Variants in SLC52A2 observed in about 807,000 individuals in gnomAD.
The protein encoded by SLC52A2 is solute carrier family 52 member 2.
A neutral mutation model predicts 24.8 loss-of-function variants in SLC52A2; 16 were observed. The observed-to-expected ratio is 0.64, with a 90% CI of 0.44 to 0.98. The LOEUF is 0.98. SLC52A2 is among the 50% of genes least tolerant of loss of function. The probability of loss-of-function intolerance (pLI) is 0.00; values close to 1 mark genes in which losing one functional copy is unlikely to be tolerated. For missense variants in SLC52A2, 612 were observed against 575.9 expected, an observed-to-expected ratio of 1.06 and a Z score of -0.64; for synonymous variants, 335 against 276.3, an observed-to-expected ratio of 1.21 and a Z score of -2.11.
rs781873022 is a variant in SLC52A2 at position 144,360,966 on chromosome 8, A to G, written c.1289A>G (p.Tyr430Cys). 1 of 1,613,414 alleles carries G rather than the reference A, an allele frequency of 6.2e-7. No homozygotes were observed. Among genetic ancestry groups the G allele is most frequent in the Non-Finnish European group, 8.5e-7 (1 of 1,179,986 alleles). The change falls in exon 5 of 5, where the codon TAT becomes TGT. Residue 430 changes from tyrosine (Y) to cysteine (C), a missense_variant. Transcript: ENST00000643944. ...AVAMFPPTSI[Y>C]HVFHSRKDCA... The stretch of plus-strand genomic sequence containing the variant: ...GCTATGTTCCCCCCGACCAGCATCT[A>G]TCACGTGTTCCACAGCAGAAAGGAC...
Position 144,359,082 on chromosome 8 carries a change from C to T in SLC52A2, c.-111+17C>T. On this transcript the variant is annotated intron_variant, in intron 1 of 4. Transcript: ENST00000643944. ...TCCCGCTGGGTACGTTTTAGCCAAT[C>T]CTCCCCATCTGCGCTCCTGCCCGGG... 2 of 677,730 alleles carry T rather than the reference C, an allele frequency of 3.0e-6. No individual in the cohort carries two copies. Among genetic ancestry groups the T allele is most frequent in the Non-Finnish European group, 2.3e-6 (1 of 436,950 alleles). The allele number at this position is 677,730 out of a possible 1,614,324, so 42.0% of individuals were successfully genotyped here. A position where few individuals can be genotyped will look rare whatever the true frequency, so the allele number is the denominator to read the frequency against.
Position 144,359,016 on chromosome 8 carries a change from A to T in SLC52A2, c.-160A>T. 1 of 395,198 alleles carries T rather than the reference A, an allele frequency of 2.5e-6. No homozygotes were observed. The highest frequency in any genetic ancestry group is 4.5e-6 in the Non-Finnish European group (1 of 220,254). The allele number at this position is 395,198 out of a possible 1,614,324, so 24.5% of individuals were successfully genotyped here. ...CTTCGGCCTCCTCCCCTGGGGCCGCAGCGACTCGGGCCGGCTTCCTGCTTC... is the reference window on the plus strand; with the variant it reads ...CTTCGGCCTCCTCCCCTGGGGCCGCTGCGACTCGGGCCGGCTTCCTGCTTC... On this transcript the variant is annotated 5_prime_UTR_variant, in exon 1 of 5. Transcript: ENST00000643944.
intron 3 of SLC52A2, 28 bp downstream of exon 3, chr8:144,360,521 G>A (rs192149425): frequency 1.8e-5 from 29 of 1,585,690 alleles, no homozygotes; most frequent in East Asian, 4.5e-5. Context: ...GCCCCTGTGC[G>A]GGTGGAACTC....
rs138107380 is a variant in SLC52A2 at position 144,360,654 on chromosome 8, C to T, written c.1066C>T (p.Leu356=). 1.3e-4 allele frequency: 215 copies of T among 1,604,604 alleles called. 1 individual carries two copies. The African/African-American group carries it at 2.5e-3, about 19-fold the overall frequency. The change falls in exon 4 of 5, where the codon CTG becomes TTG. Residue 356 remains leucine (L), a synonymous_variant. Coordinates refer to ENST00000643944, the MANE Select transcript of SLC52A2 (RefSeq NM_001363118.2). ...GVFCGGYLMA[L]AVLSPCPPLV... ...GTTCTGTGGGGGCTACCTGATGGCG[C>T]TGGCAGTCCTGAGCCCCTGCCCGCC...
At position 144,361,009 on chromosome 8, in the gene SLC52A2, C is replaced by T. The variant is rs782236791; in HGVS notation, c.1332C>T (p.Asp444=). 6.2e-7 allele frequency: 1 copy of T among 1,612,364 alleles called. No homozygotes were observed. Among genetic ancestry groups the T allele is most frequent in the East Asian group, 2.2e-5 (1 of 44,846 alleles). ...GAAAGGACTGTGCAGACCCCTGTGA[C>T]TCCTGAGCCTGGGCAGGTGGGGACC... The part of the protein sequence containing the change: ...HSRKDCADPC[D]S The change falls in exon 5 of 5, where the codon GAC becomes GAT. Residue 444 remains aspartate (D), a synonymous_variant. Transcript: ENST00000643944.
At position 144,360,698 on chromosome 8, in the gene SLC52A2, G is replaced by T; in HGVS notation, c.1110G>T (p.Ala370=). ...GCCCGCCCCTGGTGGGCACCTCGGC[G>T]GGGGTGGTCCTCGTGGTGAGCACAG... is the stretch of plus-strand genomic sequence containing the variant. ...SPCPPLVGTS[A]GVVLVVLSWV... is the part of the protein sequence containing the mutation. Residue 370 remains alanine, a synonymous_variant, in exon 4 of 5, where the codon GCG becomes GCT. Transcript: ENST00000643944. The T allele has an allele frequency of 1.2e-6, 2 of 1,603,826 alleles. No homozygotes were observed.
chr8:144,360,532 A>G (rs974647638), intron 3 of SLC52A2, 39 bp downstream of exon 3: 1 of 1,582,394 alleles, frequency 6.3e-7, no homozygotes. Context: ...GGTGGAACTC[A>G]GGGCTAGGAG....
chr8:144,358,612 T>A, upstream of SLC52A2: 1 of 867,388 alleles, frequency 1.2e-6, no homozygotes, highest in East Asian at 3.4e-5. Context: ...CCGCCACGGG[T>A]GAGTCGGGTC....
chr8:144,359,201 T>C lies in SLC52A2; in HGVS notation c.-93T>C, dbSNP rs1164627310. On this transcript the variant is annotated 5_prime_UTR_variant, in exon 2 of 5. Transcript: ENST00000643944. ...CTTTCAAGCTAGAAGAAGTCTTCAC[T>C]TCCCAGGAGAGCCAAAGCGTGTCTG... 6 of 1,516,190 alleles carry C rather than the reference T, an allele frequency of 4.0e-6. No homozygotes were observed. Among genetic ancestry groups the C allele is most frequent in the Admixed American group, 2.2e-5 (1 of 45,666 alleles). 93.9% of individuals were successfully genotyped at this position (1,516,190 alleles called of 1,614,324 possible). A position where few individuals can be genotyped will look rare whatever the true frequency, so the allele number is the denominator to read the frequency against.
chr8:144,360,949 C>T lies in SLC52A2; in HGVS notation c.1272C>T (p.Phe424=), dbSNP rs781848960. 8 of 1,613,478 alleles carry T rather than the reference C, an allele frequency of 5.0e-6. No individual in the cohort carries two copies. Among genetic ancestry groups the T allele is most frequent in the South Asian group, 3.3e-5 (3 of 91,086 alleles). ...VGSLLGAVAM[F]PPTSIYHVFH... is the part of the protein sequence containing the mutation. Reference sequence around the variant, plus strand: ...CTCTGCTCGGCGCTGTTGCTATGTTCCCCCCGACCAGCATCTATCACGTGT... The same window carrying T: ...CTCTGCTCGGCGCTGTTGCTATGTTTCCCCCGACCAGCATCTATCACGTGT... Residue 424 remains phenylalanine, a synonymous_variant, in exon 5 of 5, where the codon TTC becomes TTT. Transcript: ENST00000643944.
In SLC52A2 at chr8:144,360,611, C is replaced by A. The variant is rs567624974; in HGVS notation, c.1023C>A (p.Gly341=). 2.4e-5 allele frequency: 38 copies of A among 1,602,670 alleles called. No individual in the cohort carries two copies. The South Asian group carries it at 4.0e-4, about 17-fold the overall frequency. ...GCAGGTCCTTGGCAGGGCTGGGCGGCCTCTCTCTGCTGGGCGTGTTCTGTG... is the reference window on the plus strand; with the variant it reads ...GCAGGTCCTTGGCAGGGCTGGGCGGACTCTCTCTGCTGGGCGTGTTCTGTG... ...VLCRSLAGLG[G]LSLLGVFCGG... The change falls in exon 4 of 5, where the codon GGC becomes GGA. Residue 341 remains glycine (G), a synonymous_variant. Coordinates refer to ENST00000643944, the MANE Select transcript of SLC52A2 (RefSeq NM_001363118.2).
At chr8:144,358,600 A>C, upstream of SLC52A2, 2 of 994,448 alleles carry the variant, frequency 2.0e-6, no homozygotes, top group Non-Finnish European at 2.6e-6. Context: ...GCGGGCCCGG[A>C]ACCGCCACGG....
At position 144,360,585 on chromosome 8, in the gene SLC52A2, T is replaced by C; in HGVS notation, c.1002-5T>C. On this transcript the variant is annotated splice_region_variant and splice_polypyrimidine_tract_variant and intron_variant, in intron 3 of 4. Coordinates refer to ENST00000643944, the MANE Select transcript of SLC52A2 (RefSeq NM_001363118.2). ...CAGCCCTGACATTCTGCTCGCTCAC[T>C]GCAGGTCCTTGGCAGGGCTGGGCGG... The C allele has an allele frequency of 6.3e-7, 1 of 1,598,448 alleles. No homozygotes were observed.
Position 144,360,712 on chromosome 8 carries a change from T to C in SLC52A2, c.1124T>C (p.Val375Ala). 6.3e-7 allele frequency: 1 copy of C among 1,581,228 alleles called. No homozygotes were observed. The highest frequency in any genetic ancestry group is 8.6e-7 in the Non-Finnish European group (1 of 1,166,054). ...LVGTSAGVVL[V>A]VLSWVLCLGV... ...GGCACCTCGGCGGGGGTGGTCCTCG[T>C]GGTGAGCACAGGGGGACATGAAGTG... The change falls in exon 4 of 5, where the codon GTG (valine) becomes GCG (alanine). Residue 375 changes from valine to alanine, a missense_variant and splice_region_variant. Transcript: ENST00000643944.
chr8:144,360,132 C>G lies in SLC52A2; in HGVS notation c.640C>G (p.Leu214Val), dbSNP rs1818757129. Residue 214 changes from leucine to valine, a missense_variant, in exon 3 of 5, where the codon CTT (leucine) becomes GTT (valine). Physicochemically the swap from Leu to Val is conservative, Grantham distance 32. Coordinates refer to ENST00000643944, the MANE Select transcript of SLC52A2 (RefSeq NM_001363118.2). ...CGCTTCAGCTGCTGCCTTCCAGGGT[C>G]TTCTGCTGCTGTTGCCGCCACCACC... ...LVASAAAFQG[L>V]LLLLPPPPSV... 1.2e-6 allele frequency: 2 copies of G among 1,612,988 alleles called. No individual in the cohort carries two copies. Among genetic ancestry groups the G allele is most frequent in the Non-Finnish European group, 1.7e-6 (2 of 1,180,030 alleles).
At position 144,361,134 on chromosome 8, in the gene SLC52A2, A is replaced by T. The variant is rs1426036956; in HGVS notation, c.*119A>T. 6.8e-6 allele frequency: 7 copies of T among 1,031,570 alleles called. No individual in the cohort carries two copies. Among genetic ancestry groups the T allele is most frequent in the Non-Finnish European group, 8.6e-6 (6 of 701,448 alleles). 63.9% of individuals were successfully genotyped at this position (1,031,570 alleles called of 1,614,324 possible). On this transcript the variant is annotated 3_prime_UTR_variant, in exon 5 of 5. Coordinates refer to ENST00000643944, the MANE Select transcript of SLC52A2 (RefSeq NM_001363118.2). ...CCGGTACACTCGTGGACACCTACAC[A>T]CTCCATAGGAGATCCTGGCTTTCCA...
intron 2 of SLC52A2, 62 bp from the exon 3 acceptor site, chr8:144,359,561 C>A: frequency 6.2e-7 from 1 of 1,602,378 alleles, no homozygotes; most frequent in South Asian, 1.1e-5. Context: ...GGAAGGTGGG[C>A]TTTGGCACTC....
chr8:144,360,882 G>A lies in SLC52A2; in HGVS notation c.1205G>A (p.Arg402Gln), dbSNP rs996183393. ...AASSLLHGGG[R>Q]PALLAAGVAI... ...AGCTCCCTGCTGCATGGCGGGGGCC[G>A]GCCGGCATTGCTGGCAGCCGGCGTG... is the stretch of plus-strand genomic sequence containing the variant. The change falls in exon 5 of 5, where the codon CGG becomes CAG. Residue 402 changes from arginine to glutamine, a missense_variant. Arg to Gln is a conservative substitution (Grantham distance 43, BLOSUM62 1). Transcript: ENST00000643944. 3.7e-6 allele frequency: 6 copies of A among 1,612,944 alleles called. No homozygotes were observed. The highest frequency in any genetic ancestry group is 1.7e-5 in the Admixed American group (1 of 60,000).
chr8:144,361,161 G>A lies in SLC52A2; in HGVS notation c.*146G>A, dbSNP rs368858568. 2.7e-5 allele frequency: 23 copies of A among 837,972 alleles called. 1 individual carries two copies. Among genetic ancestry groups the A allele is most frequent in the African/African-American group, 2.5e-4 (15 of 58,936 alleles). 51.9% of individuals were successfully genotyped at this position (837,972 alleles called of 1,614,324 possible). A position where few individuals can be genotyped will look rare whatever the true frequency, so the allele number is the denominator to read the frequency against. On this transcript the variant is annotated 3_prime_UTR_variant, in exon 5 of 5. Transcript: ENST00000643944. Reference sequence around the variant, plus strand: ...TCCATAGGAGATCCTGGCTTTCCAGGGTGGGCAAGGGCAAGGAGCAGGCTT... The same window carrying A: ...TCCATAGGAGATCCTGGCTTTCCAGAGTGGGCAAGGGCAAGGAGCAGGCTT...
Sources: gnomAD v4.1 joint callset for allele counts on GRCh38, gnomAD v4.1.1 for gene constraint, MANE v1.5 for transcripts, NCBI Gene and HGNC (gene_info 2026-07-23, HGNC 2026-07-21) for gene names.